The following CORO2B variants were observed in gnomAD, a reference collection of about 807,000 sequenced individuals.
CORO2B encodes the protein coronin-2B.
CORO2B carries 26 observed loss-of-function variants against 58.8 expected under a neutral mutation model. The ratio of observed to expected loss-of-function variants is 0.44; its 90% CI spans 0.32 to 0.61. The LOEUF is 0.61. Among genes scored for constraint, CORO2B ranks in the 20% least tolerant of loss-of-function variants. The probability of loss-of-function intolerance (pLI) is 0.04; values close to 1 mark genes in which losing one functional copy is unlikely to be tolerated. For missense variants in CORO2B, 460 were observed against 645.1 expected, an observed-to-expected ratio of 0.71 and a Z score of 3.11; for synonymous variants, 242 against 253.8, an observed-to-expected ratio of 0.95 and a Z score of 0.44.
At chr15:68,588,025 T>C (rs544778802) in intron 1 of CORO2B, among the ~76,000 whole-genome samples, 87 of 152,344 alleles carry the variant, frequency 5.7e-4, no homozygotes, top group Non-Finnish European at 1.1e-3. Context: ...AAAATGAAGT[T>C]AGTAGTCTAT....
chr15:68,695,310 C>T (rs1892484412), intron 3 of CORO2B, 54 bp downstream of exon 3: 22 of 1,277,756 alleles, frequency 1.7e-5, no homozygotes, highest in Non-Finnish European at 2.3e-5. Context: ...TCCCTGCTTC[C>T]TTTGGAGGCC....
At chr15:68,523,007 CTGTT>C in the CORO2B span, among the ~76,000 whole-genome samples, 1 of 152,020 alleles carries the variant, frequency 6.6e-6, no homozygotes, top group African/African-American at 2.4e-5. Context: ...AGAGTAGGGG[CTGTT>C]TGTTTACCTC....
chr15:68,623,019 G>A (rs1405331118), intron 1 of CORO2B, among the ~76,000 whole-genome samples: 2 of 152,082 alleles, frequency 1.3e-5, no homozygotes, highest in Admixed American at 6.5e-5. Flanking sequence ...GAGAAGCATA[G>A]CTGGGTGTGG....
intron 1 of CORO2B, among the ~76,000 whole-genome samples, chr15:68,626,724 G>T (rs1900691767): frequency 6.6e-6 from 1 of 152,200 alleles, no homozygotes; most frequent in African/African-American, 2.4e-5. Context: ...CATTTCGTTG[G>T]CTGGGGAGAG....
At chr15:68,664,690 T>C (rs1902132287) in intron 2 of CORO2B, among the ~76,000 whole-genome samples, 1 of 152,074 alleles carries the variant, frequency 6.6e-6, no homozygotes, top group South Asian at 2.1e-4. Flanking sequence ...CTGAGTGTTA[T>C]CATATGTTTT....
At chr15:68,587,048 AT>A (rs1899580995) in intron 1 of CORO2B, among the ~76,000 whole-genome samples, 1 of 14,232 alleles carries the variant, frequency 7.0e-5, no homozygotes, top group Non-Finnish European at 1.8e-4. Flanking sequence ...GGAGATATGT[AT>A]ACACACACAC....
At chr15:68,562,037 C>T in the CORO2B span, among the ~76,000 whole-genome samples, 7 of 152,154 alleles carry the variant, frequency 4.6e-5, no homozygotes, top group African/African-American at 1.7e-4. Context: ...GGGACAAGCT[C>T]CTACCCAGTG....
chr15:68,726,268 G>A lies in CORO2B; in HGVS notation c.*294G>A, dbSNP rs982556919. Reference sequence around the variant, plus strand: ...TACAGACTCCCTGGGGTTGGCAGGGGCTCCATCTCAGTGGACCAGGAAGCA... The same window carrying A: ...TACAGACTCCCTGGGGTTGGCAGGGACTCCATCTCAGTGGACCAGGAAGCA... On this transcript the variant is annotated 3_prime_UTR_variant, in exon 12 of 12. Transcript: ENST00000261861. 8 of 373,290 alleles carry A rather than the reference G, an allele frequency of 2.1e-5. No individual in the cohort carries two copies. The highest frequency in any genetic ancestry group is 1.5e-4 in the African/African-American group (7 of 45,750). The allele number at this position is 373,290 out of a possible 1,614,324, so 23.1% of individuals were successfully genotyped here. A position where few individuals can be genotyped will look rare whatever the true frequency, so the allele number is the denominator to read the frequency against.
intron 3 of CORO2B, 33 bp downstream of exon 3, chr15:68,695,289 G>C (rs750806603): frequency 6.5e-7 from 1 of 1,528,344 alleles, no homozygotes; most frequent in Non-Finnish European, 9.1e-7. Context: ...AGGAGGGTGG[G>C]CTCAGGCCCC....
chr15:68,519,883 C>T, the CORO2B span, among the ~76,000 whole-genome samples: 9 of 152,320 alleles, frequency 5.9e-5, no homozygotes, highest in African/African-American at 2.2e-4. Context: ...AAATTGATTT[C>T]AGCCTTTCAC....
At chr15:68,524,274 T>G in the CORO2B span, among the ~76,000 whole-genome samples, 1 of 152,178 alleles carries the variant, frequency 6.6e-6, no homozygotes, top group Non-Finnish European at 1.5e-5. Flanking sequence ...ACTAGAAACT[T>G]TGGTCTGACA....
At chr15:68,700,715 AG>A (rs1291712419) in intron 3 of CORO2B, among the ~76,000 whole-genome samples, 1 of 152,176 alleles carries the variant, frequency 6.6e-6, no homozygotes, top group African/African-American at 2.4e-5. Context: ...TGCCGCAGCT[AG>A]GGAGGGCGGC....
At chr15:68,673,971 A>C (rs375535253) in intron 2 of CORO2B, among the ~76,000 whole-genome samples, 11 of 152,326 alleles carry the variant, frequency 7.2e-5, no homozygotes, top group African/African-American at 2.6e-4. Context: ...TGGACCCAGA[A>C]GCAGCAGTAG....
In CORO2B at chr15:68,608,384, C is replaced by A. The variant is rs373458695; in HGVS notation, c.15+29107C>A. On this transcript the variant is annotated intron_variant, in intron 1 of 11. Transcript: ENST00000261861. ...GTTCTCCCTCCCCCACACTGTGGTCCCCTGGAGGACTTCGGCCTGAAGGAC... is the reference window on the plus strand; with the variant it reads ...GTTCTCCCTCCCCCACACTGTGGTCACCTGGAGGACTTCGGCCTGAAGGAC... Among the ~76,000 whole-genome samples, 61 of 152,344 alleles carry A rather than the reference C, an allele frequency of 4.0e-4. No homozygotes were observed. The East Asian group carries it at 8.9e-3, about 22-fold the overall frequency.
At chr15:68,576,068 G>A (rs1303985474), upstream of CORO2B, among the ~76,000 whole-genome samples, 4 of 132,654 alleles carry the variant, frequency 3.0e-5, no homozygotes, top group Non-Finnish European at 6.2e-5. Context: ...TGGGAGAATC[G>A]CTTGAACCCG....
intron 1 of CORO2B, among the ~76,000 whole-genome samples, chr15:68,597,261 G>A (rs1899855434): frequency 6.6e-6 from 1 of 152,138 alleles, no homozygotes; most frequent in Non-Finnish European, 1.5e-5. Flanking sequence ...GACAGGGAGG[G>A]GAGATGCTGT....
the CORO2B span, among the ~76,000 whole-genome samples, chr15:68,572,072 G>A: frequency 2.7e-3 from 412 of 152,310 alleles, 2 homozygotes; most frequent in African/African-American, 9.7e-3. Context: ...AGGGGCATCT[G>A]GGAAGGGGCT....
chr15:68,694,996 C>T, intron 2 of CORO2B, 144 bp from the exon 3 acceptor site: 1 of 642,954 alleles, frequency 1.6e-6, no homozygotes, highest in Non-Finnish European at 2.7e-6. Context: ...CCCAGCAGGG[C>T]CCAAAAACAA....
intron 8 of CORO2B, among the ~76,000 whole-genome samples, chr15:68,718,256 C>T (rs1005011787): frequency 6.6e-6 from 1 of 152,218 alleles, no homozygotes. Context: ...TGGCCTCTCC[C>T]TCCTTTCTCT....
Sources: allele counts gnomAD v4.1 joint callset (sites outside exome capture counted in the v4.1 genomes callset), GRCh38; gene constraint gnomAD v4.1.1; transcripts MANE v1.5; gene names NCBI Gene and HGNC (gene_info 2026-07-23, HGNC 2026-07-21).